The following HORMAD1 variants were observed in gnomAD, a reference collection of about 807,000 sequenced individuals.
HORMAD1 encodes the protein HORMA domain-containing protein 1.
HORMAD1 carries 33 observed loss-of-function variants against 58.2 expected under a neutral mutation model. The ratio of observed to expected loss-of-function variants is 0.57; its 90% CI spans 0.43 to 0.76. The LOEUF (loss-of-function observed/expected upper bound fraction) is 0.76, where lower values mean the gene tolerates loss of function less well. Among genes scored for constraint, HORMAD1 ranks in the 30% least tolerant of loss-of-function variants. The pLI, the probability that HORMAD1 is intolerant of heterozygous loss-of-function variation, is 0.00. For missense variants in HORMAD1, 363 were observed against 462.0 expected (o/e 0.79, Z 1.96); for synonymous variants, 137 against 144.6 (o/e 0.95, Z 0.38).
rs1652009070 is a variant in HORMAD1, at chr1:150,714,518, C to G, written c.242+97G>C. 3 of 518,020 alleles carry G rather than the reference C, an allele frequency of 5.8e-6. No homozygotes were observed. In the South Asian group the frequency reaches 1.4e-4, roughly 24 times the overall value. The allele number at this position is 518,020 out of a possible 1,614,324, so 32.1% of individuals were successfully genotyped here. ...TGCTATCTAGCATTAAAGGGTGATT[C>G]ACTAAAATTTGGTTAAACACCAAAG... On this transcript the variant is annotated intron_variant, in intron 4 of 14. Transcript: ENST00000361824.
At chr1:150,704,024 C>A in intron 12 of HORMAD1, 94 bp downstream of exon 12, 3 of 750,964 alleles carry the variant, frequency 4.0e-6, no homozygotes, top group Non-Finnish European at 6.3e-6. Context: ...TTCTAAAAGA[C>A]CTGGAATAAG....
At chr1:150,720,495 C>T (rs1207766046) in intron 1 of HORMAD1, among the ~76,000 whole-genome samples, 1 of 151,992 alleles carries the variant, frequency 6.6e-6, no homozygotes, top group Non-Finnish European at 1.5e-5. Flanking sequence ...CCACTGTGTC[C>T]GGCCCCAGTT....
At chr1:150,707,050 T>C (rs896815227) in intron 9 of HORMAD1, among the ~76,000 whole-genome samples, 36 of 152,196 alleles carry the variant, frequency 2.4e-4, no homozygotes, top group African/African-American at 8.7e-4. Context: ...GATTTGATTT[T>C]CTCATCTGTC....
chr1:150,705,044 A>AAAAAC (rs779754063), intron 10 of HORMAD1, among the ~76,000 whole-genome samples: 19 of 152,220 alleles, frequency 1.2e-4, no homozygotes, highest in East Asian at 3.9e-4. Context: ...CTCTGTCTCA[A>AAAAAC]AAAACAAAAC....
In HORMAD1 at chr1:150,698,479, T is replaced by C. The variant is rs985071342; in HGVS notation, c.*175A>G. ...CTTTTGCTTTTATTCAAAAGTTCTA[T>C]TGGATTTATCTCAAGATTAAGGACC... is the stretch of plus-strand genomic sequence containing the variant. On this transcript the variant is annotated 3_prime_UTR_variant, in exon 15 of 15. Coordinates refer to ENST00000361824, the MANE Select transcript of HORMAD1 (RefSeq NM_032132.5). 37 of 404,984 alleles carry C rather than the reference T, an allele frequency of 9.1e-5. No homozygotes were observed. The highest frequency in any genetic ancestry group is 6.4e-4 in the African/African-American group (31 of 48,404). The allele number at this position is 404,984 out of a possible 1,614,324, so 25.1% of individuals were successfully genotyped here.
intron 8 of HORMAD1, among the ~76,000 whole-genome samples, chr1:150,708,645 G>A (rs1412426547): frequency 6.6e-6 from 1 of 152,084 alleles, no homozygotes; most frequent in Non-Finnish European, 1.5e-5. Context: ...AGCACATTAT[G>A]TTTTAAAATT....
chr1:150,713,872 T>C (rs1295122083), intron 5 of HORMAD1: 6 of 537,400 alleles, frequency 1.1e-5, no homozygotes, highest in Non-Finnish European at 6.7e-6. Context: ...TTAAAAAAAC[T>C]AGCTTGGAAA....
rs1388709805 is a variant in HORMAD1 at position 150,714,194 on chromosome 1, A to G, written c.243-73T>C. The G allele has an allele frequency of 7.8e-6, 7 of 900,220 alleles. No individual in the cohort carries two copies. The Admixed American group carries it at 1.4e-4, about 18-fold the overall frequency. 55.8% of individuals were successfully genotyped at this position (900,220 alleles called of 1,614,324 possible). A position where few individuals can be genotyped will look rare whatever the true frequency, so the allele number is the denominator to read the frequency against. On this transcript the variant is annotated intron_variant, in intron 4 of 14. Coordinates refer to ENST00000361824, the MANE Select transcript of HORMAD1 (RefSeq NM_032132.5). ...AAAATAGTTATTTTCATAAATTTCC[A>G]TATTATCTCATTACTAAATAATACA...
intron 7 of HORMAD1, among the ~76,000 whole-genome samples, chr1:150,710,740 T>A (rs1430749129): frequency 1.3e-5 from 2 of 152,244 alleles, no homozygotes; most frequent in African/African-American, 4.8e-5. Flanking sequence ...TTGCTTTCTT[T>A]ATATTTCATT....
rs587708722 is a variant in HORMAD1, at chr1:150,717,859, T to C, written c.34-577A>G. On this transcript the variant is annotated intron_variant, in intron 2 of 14. Coordinates refer to ENST00000361824, the MANE Select transcript of HORMAD1 (RefSeq NM_032132.5). ...GCACTTGGGAGGCTGAGGCAGGGAA[T>C]TGCTTGAGCCCAGGAGGCAGAGGTT... is the stretch of plus-strand genomic sequence containing the variant. Among the ~76,000 whole-genome samples, 294 of 152,224 alleles carry C rather than the reference T, an allele frequency of 1.9e-3. 2 individuals are homozygous for C. Among genetic ancestry groups the C allele is most frequent in the African/African-American group, 6.7e-3 (277 of 41,534 alleles).
At chr1:150,717,547 T>C (rs1652122078) in intron 2 of HORMAD1, among the ~76,000 whole-genome samples, 1 of 152,114 alleles carries the variant, frequency 6.6e-6, no homozygotes, top group Non-Finnish European at 1.5e-5. Context: ...AGACAGGATC[T>C]CACTGTATTG....
At position 150,698,667 on chromosome 1, in the gene HORMAD1, T is replaced by G; in HGVS notation, c.1172A>C (p.Lys391Thr). The G allele has an allele frequency of 1.3e-6, 2 of 1,572,970 alleles. No individual in the cohort carries two copies. Among genetic ancestry groups the G allele is most frequent in the Non-Finnish European group, 1.7e-6 (2 of 1,144,030 alleles). Residue 391 changes from lysine to threonine, a missense_variant, in exon 15 of 15, where the codon AAG becomes ACG. Physicochemically the swap from Lys to Thr is moderately conservative, Grantham distance 78. Transcript: ENST00000361824. ...VPKRRKFSEP[K>T]EHI ...CAAAAATAATTTTTATATATGTTCC[T>G]TTGGTTCACTAAACTTTCTCCTTTT... is the stretch of plus-strand genomic sequence containing the variant.
chr1:150,703,483 T>C (rs1651598019), intron 12 of HORMAD1, 90 bp from the exon 13 acceptor site: 9 of 691,614 alleles, frequency 1.3e-5, no homozygotes, highest in Non-Finnish European at 2.1e-5. Flanking sequence ...TTTAACCACA[T>C]AAAATTTAGG....
At chr1:150,708,433 A>C in intron 8 of HORMAD1, 26 bp from the exon 9 acceptor site, 1 of 1,492,460 alleles carries the variant, frequency 6.7e-7, no homozygotes, top group Non-Finnish European at 9.1e-7. Flanking sequence ...ATATTAATTT[A>C]TTTTATAAAA....
intron 3 of HORMAD1, among the ~76,000 whole-genome samples, chr1:150,715,890 AAT>A (rs34175040): frequency 0.43 from 64,142 of 150,516 alleles, 14,052 homozygotes; most frequent in South Asian, 0.56. Context: ...AAAGGTATTG[AAT>A]ATATATATAT....
chr1:150,706,618 T>G lies in HORMAD1; in HGVS notation c.739A>C (p.Lys247Gln), dbSNP rs766638505. Residue 247 changes from lysine to glutamine, a missense_variant, in exon 10 of 15, where the codon AAA (lysine) becomes CAA (glutamine). By Grantham distance (53) the Lys-to-Gln change is moderately conservative. This residue lies in a region of HORMAD1 where 226 missense variants were observed against 257.8 expected (regional missense o/e 0.88). Transcript: ENST00000361824. ...CTCAGGATTTTTTGAAATGGTGTTT[T>G]TATTTGTTTTGGTGATAGTATAGTT... Reference protein sequence around the residue: ...DSTILSPKQIKTPFQKILRDK... With the variant: ...DSTILSPKQIQTPFQKILRDK... The G allele has an allele frequency of 6.2e-7, 1 of 1,613,300 alleles. No homozygotes were observed. Among genetic ancestry groups the G allele is most frequent in the Non-Finnish European group, 8.5e-7 (1 of 1,179,400 alleles).
chr1:150,719,578 T>C, intron 1 of HORMAD1, 40 bp from the exon 2 acceptor site: 1 of 1,021,340 alleles, frequency 9.8e-7, no homozygotes, highest in Non-Finnish European at 1.5e-6. Context: ...GAGCTCATTT[T>C]TTTCCTCTAA....
intron 5 of HORMAD1, among the ~76,000 whole-genome samples, chr1:150,712,171 G>A (rs1651923036): frequency 6.6e-6 from 1 of 152,100 alleles, no homozygotes; most frequent in Non-Finnish European, 1.5e-5. Flanking sequence ...CACAATATAT[G>A]TGTTATACTG....
At chr1:150,715,959 A>G (rs1208138487) in intron 3 of HORMAD1, among the ~76,000 whole-genome samples, 2 of 151,848 alleles carry the variant, frequency 1.3e-5, no homozygotes, top group Admixed American at 1.3e-4. Flanking sequence ...CTTGTACATC[A>G]GTGCGGCATT....
Sources: allele counts gnomAD v4.1 joint callset (sites outside exome capture counted in the v4.1 genomes callset), GRCh38; gene constraint gnomAD v4.1.1; regional missense constraint gnomAD v4.1.1; transcripts MANE v1.5; gene names NCBI Gene and HGNC (gene_info 2026-07-23, HGNC 2026-07-21).